The following NRXN3 variants were observed in gnomAD, a reference collection of about 807,000 sequenced individuals.
The protein encoded by NRXN3 is neurexin 3.
In NRXN3, 32 loss-of-function variants were observed where a neutral mutation model predicts 137.6. The observed-to-expected ratio is 0.23, with a 90% CI of 0.18 to 0.31. NRXN3 has a LOEUF of 0.31. Among genes scored for constraint, NRXN3 ranks in the 10% least tolerant of loss-of-function variants. The pLI is 1.00. For missense variants in NRXN3, 1,574 were observed against 2,062.5 expected (o/e 0.76, Z 4.59); for synonymous variants, 798 against 784.5 (o/e 1.02, Z -0.29).
chr14:78,779,531 T>A (rs1053009942), intron 8 of NRXN3, among the ~76,000 whole-genome samples: 1 of 152,074 alleles, frequency 6.6e-6, no homozygotes, highest in African/African-American at 2.4e-5. Flanking sequence ...AGCAAAAAGA[T>A]TGGAGAGGAA....
At chr14:78,611,269 G>T (rs1268241207) in intron 4 of NRXN3, among the ~76,000 whole-genome samples, 3 of 152,102 alleles carry the variant, frequency 2.0e-5, no homozygotes, top group East Asian at 1.9e-4. Context: ...TGTCATGCTG[G>T]GGGGATTTAT....
intron 16 of NRXN3, among the ~76,000 whole-genome samples, chr14:79,525,540 A>G (rs1371110773): frequency 6.6e-6 from 1 of 152,228 alleles, no homozygotes; most frequent in Admixed American, 6.5e-5. Context: ...AAATAAATGC[A>G]GTCACAACTA....
Position 78,988,129 on chromosome 14 carries a change from C to A in NRXN3, c.3250C>A (p.Gln1084Lys). Residue 1084 changes from glutamine (Q) to lysine (K), a missense_variant, in exon 15 of 21, where the codon CAG becomes AAG. By Grantham distance (53) the Gln-to-Lys change is moderately conservative (BLOSUM62 1). Coordinates refer to ENST00000335750, the MANE Select transcript of NRXN3 (RefSeq NM_001330195.2). ...TTCTATGACCTCTTATTCTGGAAAC[C>A]AGTGCAATGATCGTAAGTACAACAA... ...DCSMTSYSGNQCNDPGATYIF... is the reference protein window; with the variant it reads ...DCSMTSYSGNKCNDPGATYIF... 6.2e-7 allele frequency: 1 copy of A among 1,613,824 alleles called. No homozygotes were observed. The highest frequency in any genetic ancestry group is 2.2e-5 in the East Asian group (1 of 44,860).
chr14:78,992,976 T>C (rs573878330), intron 15 of NRXN3, among the ~76,000 whole-genome samples: 3 of 152,328 alleles, frequency 2.0e-5, no homozygotes, highest in Admixed American at 2.0e-4. Context: ...CACCCTGTGC[T>C]ACATTGCTGG....
At chr14:78,301,424 C>A (rs147123763) in intron 4 of NRXN3, among the ~76,000 whole-genome samples, 1 of 152,292 alleles carries the variant, frequency 6.6e-6, no homozygotes, top group African/African-American at 2.4e-5. Context: ...TCTGACATGC[C>A]TTTCATCGCA....
chr14:78,544,526 T>C (rs1183118298), intron 4 of NRXN3, among the ~76,000 whole-genome samples: 1 of 152,206 alleles, frequency 6.6e-6, no homozygotes, highest in Non-Finnish European at 1.5e-5. Flanking sequence ...TCAAATGGGC[T>C]ATTTTATTCA....
intron 8 of NRXN3, among the ~76,000 whole-genome samples, chr14:78,725,630 T>A (rs1310351082): frequency 1.3e-5 from 2 of 152,102 alleles, no homozygotes; most frequent in South Asian, 2.1e-4. Flanking sequence ...GAGAAAAAAA[T>A]GATGAATAAC....
At chr14:79,338,196 GGTGTGTGTGTGTGTGTATGTGAGTGT>G (rs1423783471) in intron 15 of NRXN3, among the ~76,000 whole-genome samples, 21 of 141,060 alleles carry the variant, frequency 1.5e-4, no homozygotes, top group Admixed American at 1.4e-3. Context: ...AGGCAGCCGG[GGTGTGTGTGTGTGTGTATGTGAGTGT>G]GTGTGTGTGT....
intron 10 of NRXN3, among the ~76,000 whole-genome samples, chr14:78,874,867 C>T (rs1037878487): frequency 6.6e-6 from 1 of 152,214 alleles, no homozygotes; most frequent in African/African-American, 2.4e-5. Flanking sequence ...CAAGAAGAGT[C>T]ACCTTGTGGG....
intron 16 of NRXN3, among the ~76,000 whole-genome samples, chr14:79,618,838 C>T (rs938970852): frequency 6.6e-6 from 1 of 152,106 alleles, no homozygotes; most frequent in Non-Finnish European, 1.5e-5. Flanking sequence ...TCCCTTTCCT[C>T]TGCAACCTTT....
intron 15 of NRXN3, among the ~76,000 whole-genome samples, chr14:79,252,404 T>G (rs921768608): frequency 6.6e-6 from 1 of 152,246 alleles, no homozygotes; most frequent in Non-Finnish European, 1.5e-5. Context: ...GATATTTATA[T>G]GGAAAAGAGT....
rs541039980 is a variant in NRXN3, at chr14:78,850,723, C to T, written c.2275+40379C>T. Among the ~76,000 whole-genome samples, 10 of 152,074 alleles carry T rather than the reference C, an allele frequency of 6.6e-5. No individual in the cohort carries two copies. In the South Asian group the frequency reaches 8.3e-4, roughly 13 times the overall value. ...AATGTTATAATTTAGATCATGTGAC[C>T]GAAATACCACCACCGCTGGGTAGAA... On this transcript the variant is annotated intron_variant, in intron 10 of 20. Transcript: ENST00000335750.
chr14:79,753,425 A>T (rs1234759388), intron 19 of NRXN3, among the ~76,000 whole-genome samples: 2 of 151,962 alleles, frequency 1.3e-5, no homozygotes, highest in Non-Finnish European at 1.5e-5. Flanking sequence ...TTGTAGGGAC[A>T]TGGATGAAAT....
intron 6 of NRXN3, among the ~76,000 whole-genome samples, chr14:78,653,749 G>T (rs1601931302): frequency 9.6e-6 from 1 of 103,924 alleles, no homozygotes. Flanking sequence ...ACACATTTTT[G>T]CTGCCCAGAT....
chr14:79,403,728 G>A (rs2095256037), intron 15 of NRXN3, among the ~76,000 whole-genome samples: 1 of 152,100 alleles, frequency 6.6e-6, no homozygotes, highest in Non-Finnish European at 1.5e-5. Context: ...CCTTGCATGT[G>A]AGTGATGGTG....
chr14:78,933,983 A>G (rs2099328759), intron 10 of NRXN3, among the ~76,000 whole-genome samples: 1 of 151,588 alleles, frequency 6.6e-6, no homozygotes, highest in African/African-American at 2.4e-5. Flanking sequence ...GTAAATACCT[A>G]CGGTTGATGA....
intron 15 of NRXN3, among the ~76,000 whole-genome samples, chr14:79,411,123 A>G (rs142335544): frequency 8.5e-5 from 13 of 152,246 alleles, no homozygotes; most frequent in Non-Finnish European, 1.8e-4. Flanking sequence ...TCCTGTTCAC[A>G]ATCTTGATCA....
At chr14:79,346,536 T>A (rs1329801456) in intron 15 of NRXN3, among the ~76,000 whole-genome samples, 1 of 152,170 alleles carries the variant, frequency 6.6e-6, no homozygotes, top group Non-Finnish European at 1.5e-5. Flanking sequence ...CCAGTGCACT[T>A]AAAAATCCTA....
intron 2 of NRXN3, among the ~76,000 whole-genome samples, chr14:78,248,991 T>C (rs2068155181): frequency 6.6e-6 from 1 of 152,204 alleles, no homozygotes; most frequent in Admixed American, 6.5e-5. Context: ...TTCCTCCTGA[T>C]TACCAAGTGA....
Sources: allele counts gnomAD v4.1 joint callset (sites outside exome capture counted in the v4.1 genomes callset), GRCh38; gene constraint gnomAD v4.1.1; transcripts MANE v1.5; gene names NCBI Gene and HGNC (gene_info 2026-07-23, HGNC 2026-07-21).